PJA2: variants seen among roughly 807,000 people sequenced by gnomAD.
PJA2 encodes the protein praja ring finger ubiquitin ligase 2.
In PJA2, 25 loss-of-function variants were observed where a neutral mutation model predicts 69.3. The observed-to-expected ratio is 0.36, with a 90% CI of 0.26 to 0.50. The LOEUF is 0.50. Among genes scored for constraint, PJA2 ranks in the 20% least tolerant of loss-of-function variants. PJA2 has a pLI of 0.96. For missense variants in PJA2, 809 were observed against 830.2 expected, an observed-to-expected ratio of 0.97 and a Z score of 0.31; for synonymous variants, 308 against 277.8, an observed-to-expected ratio of 1.11 and a Z score of -1.08.
chr5:109,352,790 ATAT>A (rs1475622879), intron 7 of PJA2, among the ~76,000 whole-genome samples: 40 of 151,572 alleles, frequency 2.6e-4, no homozygotes, highest in Non-Finnish European at 4.9e-4. Flanking sequence ...ATAGATATCT[ATAT>A]TAGATATGTA....
chr5:109,405,622 A>C (rs1035514897), intron 1 of PJA2, among the ~76,000 whole-genome samples: 1 of 152,242 alleles, frequency 6.6e-6, no homozygotes, highest in Non-Finnish European at 1.5e-5. Context: ...CTTTTGACAA[A>C]GTTAATTCAA....
At chr5:109,365,458 T>A (rs748753578) in intron 5 of PJA2, among the ~76,000 whole-genome samples, 5 of 152,158 alleles carry the variant, frequency 3.3e-5, no homozygotes, top group Admixed American at 6.5e-5. Flanking sequence ...AAATGGAACG[T>A]GTACACATAT....
chr5:109,398,401 A>C (rs1462748126), intron 1 of PJA2, among the ~76,000 whole-genome samples: 1 of 152,158 alleles, frequency 6.6e-6, no homozygotes, highest in African/African-American at 2.4e-5. Context: ...GATAGACTGG[A>C]TTAAGAAAAT....
At chr5:109,370,336 AATG>A (rs1362530952) in intron 4 of PJA2, among the ~76,000 whole-genome samples, 2 of 152,320 alleles carry the variant, frequency 1.3e-5, no homozygotes, top group Admixed American at 6.5e-5. Context: ...TACATTTTTT[AATG>A]ATGATTATTA....
chr5:109,389,079 C>T (rs1385778145), intron 1 of PJA2, among the ~76,000 whole-genome samples: 1 of 152,116 alleles, frequency 6.6e-6, no homozygotes. Flanking sequence ...TATTCTTTTA[C>T]CTATGTTCAT....
At chr5:109,385,878 CT>C (rs1747145084) in intron 1 of PJA2, among the ~76,000 whole-genome samples, 1 of 152,130 alleles carries the variant, frequency 6.6e-6, no homozygotes, top group East Asian at 1.9e-4. Context: ...AGAAAATTCA[CT>C]TGTTTCCTAC....
At chr5:109,369,301 C>T (rs1762634159) in intron 4 of PJA2, among the ~76,000 whole-genome samples, 1 of 152,176 alleles carries the variant, frequency 6.6e-6, no homozygotes, top group South Asian at 2.1e-4. Flanking sequence ...ATTCAATCTT[C>T]AGACTATTAA....
In PJA2 at chr5:109,335,977, T is replaced by G. The variant is rs1761931832; in HGVS notation, c.*1254A>C. ...ATGTTCCTTATATTTAAGCCTCATA[T>G]GTGCCAACAGTGAAAATTCATTTAT... is the stretch of plus-strand genomic sequence containing the variant. On this transcript the variant is annotated 3_prime_UTR_variant, in exon 10 of 10. Transcript: ENST00000361189. 6.6e-6 allele frequency: 1 copy of G among 152,632 alleles called. No individual in the cohort carries two copies. Among genetic ancestry groups the G allele is most frequent in the South Asian group, 2.1e-4 (1 of 4,836 alleles). The allele number at this position is 152,632 out of a possible 1,614,324, so 9.5% of individuals were successfully genotyped here. A position where few individuals can be genotyped will look rare whatever the true frequency, so the allele number is the denominator to read the frequency against.
At chr5:109,395,332 C>G (rs924093515) in intron 1 of PJA2, among the ~76,000 whole-genome samples, 1 of 152,042 alleles carries the variant, frequency 6.6e-6, no homozygotes, top group African/African-American at 2.4e-5. Context: ...AGCTCAAGAC[C>G]AGCCTGAGCA....
At chr5:109,398,861 C>G (rs766555883) in intron 1 of PJA2, among the ~76,000 whole-genome samples, 3 of 152,054 alleles carry the variant, frequency 2.0e-5, no homozygotes, top group African/African-American at 4.8e-5. Flanking sequence ...TATACCAGTA[C>G]ACTGAAGATT....
intron 1 of PJA2, among the ~76,000 whole-genome samples, chr5:109,402,063 G>A (rs1037804412): frequency 1.3e-5 from 2 of 152,094 alleles, no homozygotes; most frequent in Non-Finnish European, 2.9e-5. Flanking sequence ...TATTAAAGAT[G>A]TAAAATATAA....
chr5:109,398,200 T>C (rs533740864), intron 1 of PJA2, among the ~76,000 whole-genome samples: 2 of 152,312 alleles, frequency 1.3e-5, no homozygotes, highest in African/African-American at 2.4e-5. Flanking sequence ...AGTTCAACCA[T>C]TGTGGAAGAC....
intron 4 of PJA2, among the ~76,000 whole-genome samples, chr5:109,376,828 C>T (rs1204512015): frequency 6.6e-6 from 1 of 151,996 alleles, no homozygotes; most frequent in African/African-American, 2.4e-5. Flanking sequence ...TTAACAAACC[C>T]CAACATGGTC....
chr5:109,366,579 C>G (rs1582603515), intron 5 of PJA2, among the ~76,000 whole-genome samples: 2 of 152,182 alleles, frequency 1.3e-5, no homozygotes, highest in East Asian at 3.8e-4. Context: ...CTGTTTTATT[C>G]CCTTCACAGT....
Position 109,337,455 on chromosome 5 carries a change from A to G in PJA2, c.2002-99T>C, listed in dbSNP as rs1282326977. ...ACAGTGTCATTATCCTAATAATAAG[A>G]CTCTTAACAACAAAAAACAAACTTC... On this transcript the variant is annotated intron_variant, in intron 9 of 9. Coordinates refer to ENST00000361189, the MANE Select transcript of PJA2 (RefSeq NM_014819.5). 7 of 1,331,696 alleles carry G rather than the reference A, an allele frequency of 5.3e-6. No homozygotes were observed. In the East Asian group the frequency reaches 1.9e-4, roughly 37 times the overall value. The allele number at this position is 1,331,696 out of a possible 1,614,324, so 82.5% of individuals were successfully genotyped here. A position where few individuals can be genotyped will look rare whatever the true frequency, so the allele number is the denominator to read the frequency against.
chr5:109,369,035 C>G (rs897359763), intron 4 of PJA2, among the ~76,000 whole-genome samples: 20 of 152,094 alleles, frequency 1.3e-4, no homozygotes, highest in Non-Finnish European at 4.4e-5. Context: ...TTTCTTACAC[C>G]TGCTCCTGCC....
chr5:109,390,485 T>A (rs1043989955), intron 1 of PJA2, among the ~76,000 whole-genome samples: 2 of 152,052 alleles, frequency 1.3e-5, no homozygotes, highest in Admixed American at 6.6e-5. Flanking sequence ...GCTTTTCTTA[T>A]AAATAGAATA....
intron 9 of PJA2, among the ~76,000 whole-genome samples, chr5:109,342,878 T>TGGG (rs756987255): frequency 3.5e-4 from 2 of 5,742 alleles, no homozygotes; most frequent in Admixed American, 1.2e-3. Context: ...GGGAGGGAGG[T>TGGG]GGGGGGGGGG....
chr5:109,338,959 A>G (rs1481092974), intron 9 of PJA2, among the ~76,000 whole-genome samples: 1 of 152,208 alleles, frequency 6.6e-6, no homozygotes. Context: ...GAATTTAAAG[A>G]CGGCATTTAT....
Sources: gnomAD v4.1 joint callset for allele counts (sites outside exome capture counted in the v4.1 genomes callset) on GRCh38, gnomAD v4.1.1 for gene constraint, MANE v1.5 for transcripts, NCBI Gene and HGNC (gene_info 2026-07-23, HGNC 2026-07-21) for gene names.